Variants in PTK2 observed in about 807,000 individuals in gnomAD.
PTK2 encodes the protein focal adhesion kinase 1.
Under a neutral mutation model 150.1 loss-of-function variants are expected in PTK2, and 45 were observed. The observed-to-expected ratio is 0.30, with a 90% CI of 0.24 to 0.38. The LOEUF (loss-of-function observed/expected upper bound fraction) is 0.38. PTK2 is among the 10% of genes least tolerant of loss of function. The probability of loss-of-function intolerance (pLI) is 1.00; values close to 1 mark genes in which losing one functional copy is unlikely to be tolerated. For synonymous variants in PTK2, 432 were observed against 449.2 expected (o/e 0.96, Z 0.48); for missense variants, 919 against 1,307.3 (o/e 0.70, Z 4.58).
intron 14 of PTK2, among the ~76,000 whole-genome samples, chr8:140,770,412 T>G (rs1182030587): frequency 2.0e-5 from 3 of 152,186 alleles, no homozygotes; most frequent in Non-Finnish European, 2.9e-5. Context: ...TGCTGACCTC[T>G]GTGGGAAAAC....
intron 14 of PTK2, among the ~76,000 whole-genome samples, chr8:140,784,611 T>G (rs1448772334): frequency 6.6e-6 from 1 of 152,134 alleles, no homozygotes; most frequent in Non-Finnish European, 1.5e-5. Flanking sequence ...ACCTCCTCTT[T>G]CAGCATACTT....
At chr8:140,991,530 A>C (rs1335108308) in intron 1 of PTK2, among the ~76,000 whole-genome samples, 1 of 152,218 alleles carries the variant, frequency 6.6e-6, no homozygotes, top group Admixed American at 6.5e-5. Context: ...ATCCTAAAAA[A>C]CATATTTAGA....
intron 16 of PTK2, among the ~76,000 whole-genome samples, chr8:140,756,988 C>CAA (rs751248364): frequency 3.0e-5 from 3 of 99,414 alleles, no homozygotes; most frequent in Admixed American, 2.1e-4. Flanking sequence ...TACTCCGTCT[C>CAA]AAAAAAAAAA....
At chr8:140,694,257 G>A (rs1031430798) in intron 26 of PTK2, among the ~76,000 whole-genome samples, 4 of 151,890 alleles carry the variant, frequency 2.6e-5, no homozygotes, top group African/African-American at 9.7e-5. Context: ...TAGCCAGGAT[G>A]GTCTCGATCT....
At chr8:140,732,488 C>G in intron 22 of PTK2, 1 of 508,592 alleles carries the variant, frequency 2.0e-6, no homozygotes, top group Non-Finnish European at 4.0e-6. Flanking sequence ...ATGTTCTAAG[C>G]CTTGAATTCA....
exon 30 of PTK2, chr8:140,668,400 G>T (rs745452359): frequency 1.9e-6 from 3 of 1,612,958 alleles, no homozygotes; most frequent in South Asian, 1.1e-5. Context: ...GCAGTAGGAG[G>T]GGGGCTGATT....
intron 20 of PTK2, among the ~76,000 whole-genome samples, chr8:140,739,872 G>T (rs1309380976): frequency 6.6e-6 from 1 of 152,178 alleles, no homozygotes; most frequent in Non-Finnish European, 1.5e-5. Flanking sequence ...GCATATGTGG[G>T]TATTAGGGAA....
At chr8:140,976,632 G>C (rs1273600132) in intron 1 of PTK2, among the ~76,000 whole-genome samples, 1 of 152,144 alleles carries the variant, frequency 6.6e-6, no homozygotes, top group Non-Finnish European at 1.5e-5. Context: ...CTTCAGTTTG[G>C]GTAGAACAGA....
chr8:140,889,454 C>G (rs2100153499), intron 3 of PTK2, among the ~76,000 whole-genome samples: 1 of 152,178 alleles, frequency 6.6e-6, no homozygotes, highest in Non-Finnish European at 1.5e-5. Context: ...CTCTCAAACT[C>G]CTGACCTCAA....
intron 15 of PTK2, 129 bp downstream of exon 17, chr8:140,764,105 G>C: frequency 2.4e-6 from 2 of 830,672 alleles, no homozygotes; most frequent in Non-Finnish European, 4.1e-6. Flanking sequence ...AGGTTGAAAA[G>C]AATATTTCTG....
intron 19 of PTK2, 93 bp from the exon 23 acceptor site, chr8:140,743,423 A>G: frequency 1.1e-6 from 1 of 872,616 alleles, no homozygotes; most frequent in Non-Finnish European, 1.8e-6. Context: ...GCACTTTGAA[A>G]GACAGCTTAT....
intron 1 of PTK2, among the ~76,000 whole-genome samples, chr8:140,959,027 T>C (rs1458167385): frequency 2.0e-5 from 3 of 152,156 alleles, no homozygotes; most frequent in Non-Finnish European, 4.4e-5. Context: ...CACAGATCAA[T>C]TGTCACAAAA....
chr8:140,960,487 T>C (rs1371554888), intron 1 of PTK2, among the ~76,000 whole-genome samples: 1 of 151,970 alleles, frequency 6.6e-6, no homozygotes, highest in African/African-American at 2.4e-5. Context: ...GGATTACAGG[T>C]ATGAGCCACC....
intron 8 of PTK2, chr8:140,821,445 A>G (rs2100108512): frequency 1.3e-5 from 2 of 152,286 alleles, no homozygotes; most frequent in South Asian, 4.1e-4. Flanking sequence ...AGAATCCAGG[A>G]AAAGTAGAGT....
At chr8:140,894,231 C>A (rs950052331) in intron 2 of PTK2, among the ~76,000 whole-genome samples, 1 of 152,234 alleles carries the variant, frequency 6.6e-6, no homozygotes, top group Admixed American at 6.5e-5. Context: ...GCCTGAGGAT[C>A]TAAGTCCACA....
chr8:140,949,252 T>C (rs1241259183), intron 1 of PTK2, among the ~76,000 whole-genome samples: 1 of 152,268 alleles, frequency 6.6e-6, no homozygotes, highest in Non-Finnish European at 1.5e-5. Flanking sequence ...CAACTGTTTA[T>C]ATTCTCAATA....
chr8:140,772,452 A>AC (rs1451813283), intron 14 of PTK2, among the ~76,000 whole-genome samples: 2 of 152,204 alleles, frequency 1.3e-5, no homozygotes, highest in Non-Finnish European at 2.9e-5. Context: ...AACTGGATGC[A>AC]CTGTGTGATG....
chr8:140,938,753 A>G (rs1438205465), intron 1 of PTK2, among the ~76,000 whole-genome samples: 1 of 152,222 alleles, frequency 6.6e-6, no homozygotes, highest in Non-Finnish European at 1.5e-5. Context: ...AACAGCCATC[A>G]TGATTACTGT....
chr8:140,782,717 G>C (rs2100082544), intron 14 of PTK2, among the ~76,000 whole-genome samples: 1 of 151,468 alleles, frequency 6.6e-6, no homozygotes, highest in South Asian at 2.1e-4. Context: ...GCAACAGATA[G>C]AGACTACCTT....
Sources: allele counts gnomAD v4.1 joint callset (sites outside exome capture counted in the v4.1 genomes callset), GRCh38; gene constraint gnomAD v4.1.1; transcripts MANE v1.5; gene names NCBI Gene and HGNC (gene_info 2026-07-23, HGNC 2026-07-21).